RBM6: variants seen among roughly 807,000 people sequenced by gnomAD.
RBM6 encodes the protein RNA-binding protein 6.
RBM6 carries 23 observed loss-of-function variants against 140.4 expected under a neutral mutation model. That is an observed-to-expected ratio of 0.16 (90% CI 0.12 to 0.23). The LOEUF is 0.23. Among genes scored for constraint, RBM6 ranks in the 10% least tolerant of loss-of-function variants. The probability of loss-of-function intolerance (pLI) is 1.00; values close to 1 mark genes in which losing one functional copy is unlikely to be tolerated. For synonymous variants in RBM6, 439 were observed against 475.6 expected, an observed-to-expected ratio of 0.92 and a Z score of 1.00; for missense variants, 1,139 against 1,386.7, an observed-to-expected ratio of 0.82 and a Z score of 2.84.
At chr3:50,047,264 A>G in intron 6 of RBM6, 4 of 985,358 alleles carry the variant, frequency 4.1e-6, no homozygotes, top group Non-Finnish European at 4.8e-6. Flanking sequence ...GAGGAAACAC[A>G]GAGGACCCTA....
chr3:50,056,003 T>C (rs1559638191), intron 8 of RBM6, among the ~76,000 whole-genome samples: 1 of 152,200 alleles, frequency 6.6e-6, no homozygotes, highest in Non-Finnish European at 1.5e-5. Flanking sequence ...GGTAGCCTTC[T>C]GTTTGTTGCA....
At position 50,077,072 on chromosome 3, in the gene RBM6, A is replaced by T. The variant is rs1285275383; in HGVS notation, c.3311A>T (p.Asn1104Ile). 1 of 1,613,328 alleles carries T rather than the reference A, an allele frequency of 6.2e-7. No individual in the cohort carries two copies. Reference sequence around the variant, plus strand: ...GGAAGAACCAGCAAAAGACAGTCCAACGAGACTTACCGAGATGCTGTTCGA... The same window carrying T: ...GGAAGAACCAGCAAAAGACAGTCCATCGAGACTTACCGAGATGCTGTTCGA... ...ASGRTSKRQS[N>I]ETYRDAVRRV... The change falls in exon 21 of 21, where the codon AAC becomes ATC. Residue 1104 changes from asparagine (N) to isoleucine (I), a missense_variant. Asn to Ile is a moderately radical substitution (Grantham distance 149). This residue lies in a region of RBM6 where 125 missense variants were observed against 142.0 expected (regional missense o/e 0.88). Transcript: ENST00000266022.
chr3:50,024,683 A>G (rs988750844), intron 6 of RBM6, among the ~76,000 whole-genome samples: 3 of 152,158 alleles, frequency 2.0e-5, no homozygotes, highest in African/African-American at 7.2e-5. Context: ...GCCGGGCACG[A>G]TGGCTCACGC....
chr3:50,027,893 C>G (rs1369543685), intron 6 of RBM6, among the ~76,000 whole-genome samples: 1 of 152,172 alleles, frequency 6.6e-6, no homozygotes, highest in African/African-American at 2.4e-5. Context: ...TACCAGCTAT[C>G]CCCAGATGCG....
In RBM6 at chr3:49,969,217, G is replaced by T. The variant is rs546653108; in HGVS notation, c.1323+469G>T. ...TTTTTGTATTTTTAGTGCAGATGGG[G>T]TTTCACCATGTTGGCCAGGCTGGTC... On this transcript the variant is annotated intron_variant, in intron 3 of 20. Transcript: ENST00000266022. Among the ~76,000 whole-genome samples the T allele has an allele frequency of 1.3e-4, 19 of 150,140 alleles. No individual in the cohort carries two copies. The South Asian group carries it at 3.1e-3, about 25-fold the overall frequency.
chr3:50,062,219 T>C, intron 15 of RBM6, 111 bp downstream of exon 15: 2 of 1,317,558 alleles, frequency 1.5e-6, no homozygotes, highest in Non-Finnish European at 2.0e-6. Context: ...AAAAATACTC[T>C]GTCAGCCGGG....
chr3:49,954,409 C>T (rs1287689783), intron 1 of RBM6, among the ~76,000 whole-genome samples: 1 of 148,266 alleles, frequency 6.7e-6, no homozygotes, highest in East Asian at 2.0e-4. Context: ...CATTGCACTC[C>T]AGCCTGGGCG....
chr3:50,027,902 C>T (rs1023139645), intron 6 of RBM6, among the ~76,000 whole-genome samples: 16 of 152,290 alleles, frequency 1.1e-4, no homozygotes, highest in Middle Eastern at 3.4e-3. Context: ...TCCCCAGATG[C>T]GTAGCCTAGT....
chr3:50,036,482 C>T (rs532320705), intron 6 of RBM6, among the ~76,000 whole-genome samples: 9 of 151,908 alleles, frequency 5.9e-5, no homozygotes, highest in East Asian at 1.9e-4. Flanking sequence ...ATTTCTTCTT[C>T]GTGCAGGAAT....
chr3:49,941,714 C>T (rs1038218433), intron 1 of RBM6, among the ~76,000 whole-genome samples: 4 of 148,012 alleles, frequency 2.7e-5, no homozygotes, highest in Non-Finnish European at 4.4e-5. Context: ...GGCAGCGTTT[C>T]GCCTTATGCC....
Position 50,075,281 on chromosome 3 carries a change from A to G in RBM6, c.3197A>G (p.Lys1066Arg). Residue 1066 changes from lysine to arginine, a missense_variant, in exon 20 of 21, where the codon AAA becomes AGA. Lys to Arg is a conservative substitution (Grantham distance 26). Coordinates refer to ENST00000266022, the MANE Select transcript of RBM6 (RefSeq NM_005777.3). ...GTCCAACAGGCTACTGGCTGGAGGA[A>G]AGGGACAGGCCTGGGATATGGCCAT... ...GCVQQATGWR[K>R]GTGLGYGHPG... The G allele has an allele frequency of 6.2e-7, 1 of 1,614,200 alleles. No homozygotes were observed.
chr3:49,999,617 A>T (rs889188609), intron 6 of RBM6, 104 bp downstream of exon 6: 1 of 979,020 alleles, frequency 1.0e-6, no homozygotes, highest in Non-Finnish European at 1.6e-6. Context: ...CAAGAAGTCT[A>T]TCTGTGGAGC....
At chr3:49,975,423 G>A (rs1270455732) in intron 5 of RBM6, 31 bp downstream of exon 5, 10 of 1,529,116 alleles carry the variant, frequency 6.5e-6, no homozygotes, top group Non-Finnish European at 9.1e-6. Context: ...ATGGCCTTGG[G>A]TTAGGAAGGG....
chr3:49,963,048 C>G (rs890611252), intron 2 of RBM6: 1 of 153,968 alleles, frequency 6.5e-6, no homozygotes, highest in Non-Finnish European at 1.4e-5. Flanking sequence ...TGCAGTGAGC[C>G]GAGATCGTGC....
intron 6 of RBM6, among the ~76,000 whole-genome samples, chr3:50,024,840 C>G (rs2087709893): frequency 6.6e-6 from 1 of 151,972 alleles, no homozygotes. Context: ...GTAGTCCCAG[C>G]TACTCAGGAG....
At chr3:49,952,559 G>A (rs1317371635) in intron 1 of RBM6, among the ~76,000 whole-genome samples, 1 of 150,028 alleles carries the variant, frequency 6.7e-6, no homozygotes, top group Non-Finnish European at 1.5e-5. Flanking sequence ...GGTGTGCAAT[G>A]GTGCATCTCG....
chr3:50,071,900 A>G (rs529732561), intron 19 of RBM6, among the ~76,000 whole-genome samples: 1 of 151,448 alleles, frequency 6.6e-6, no homozygotes, highest in African/African-American at 2.4e-5. Context: ...CCTGGCCAAG[A>G]TGGTGAAACC....
chr3:50,060,321 T>C (rs1416140693), intron 11 of RBM6, among the ~76,000 whole-genome samples: 2 of 152,146 alleles, frequency 1.3e-5, no homozygotes, highest in Non-Finnish European at 2.9e-5. Flanking sequence ...CCTCCTTCAC[T>C]CATCTTGACC....
rs1471978558 is a variant in RBM6 at position 50,070,458 on chromosome 3, A to G, written c.3022A>G (p.Lys1008Glu). 1.2e-6 allele frequency: 2 copies of G among 1,613,286 alleles called. No individual in the cohort carries two copies. The highest frequency in any genetic ancestry group is 2.7e-5 in the African/African-American group (2 of 74,884). The part of the protein sequence containing the change: ...AYLERREREG[K>E]FKGRGNDRRE... ...CTGCTCTTCTGCTTACCAACAGGGAAAGTTTAAAGGAAGAGGAAATGATCG... is the reference window on the plus strand; with the variant it reads ...CTGCTCTTCTGCTTACCAACAGGGAGAGTTTAAAGGAAGAGGAAATGATCG... The change falls in exon 19 of 21, where the codon AAG becomes GAG. Residue 1008 changes from lysine (K) to glutamate (E), a missense_variant. By Grantham distance (56) the Lys-to-Glu change is moderately conservative (BLOSUM62 1). Around this residue, in one of 9 missense-constraint regions of RBM6, gnomAD observed 40 missense variants for 80.1 expected, o/e 0.50. Coordinates refer to ENST00000266022, the MANE Select transcript of RBM6 (RefSeq NM_005777.3).
Sources: gnomAD v4.1 joint callset for allele counts (sites outside exome capture counted in the v4.1 genomes callset) on GRCh38, gnomAD v4.1.1 for gene constraint, gnomAD v4.1.1 regional missense constraint, MANE v1.5 for transcripts, NCBI Gene and HGNC (gene_info 2026-07-23, HGNC 2026-07-21) for gene names.